The following KAZN variants were observed in gnomAD, a reference collection of about 807,000 sequenced individuals.
KAZN encodes kazrin.
Under a neutral mutation model 87.4 loss-of-function variants are expected in KAZN, and 40 were observed. The ratio of observed to expected loss-of-function variants is 0.46; its 90% CI spans 0.36 to 0.60. KAZN has a LOEUF of 0.60. Ranked by LOEUF, KAZN falls within the 20% of genes least tolerant of loss-of-function variation. KAZN has a pLI of 0.00. For missense variants in KAZN, 898 were observed against 1,073.9 expected (o/e 0.84, Z 2.29); for synonymous variants, 466 against 458.3 (o/e 1.02, Z -0.22).
chr1:14,006,122 ATTAC>A (rs1640028706), intron 1 of KAZN, among the ~76,000 whole-genome samples: 1 of 152,028 alleles, frequency 6.6e-6, no homozygotes, highest in South Asian at 2.1e-4. Flanking sequence ...TATTTTGTCT[ATTAC>A]TTCTTTTGTT....
At chr1:14,193,217 G>A (rs1285545405) in intron 2 of KAZN, among the ~76,000 whole-genome samples, 1 of 152,188 alleles carries the variant, frequency 6.6e-6, no homozygotes, top group African/African-American at 2.4e-5. Context: ...TGAACTGTGA[G>A]TCAATTAACC....
intron 13 of KAZN, among the ~76,000 whole-genome samples, chr1:15,108,034 T>A (rs568336993): frequency 1.3e-4 from 19 of 151,898 alleles, no homozygotes; most frequent in African/African-American, 3.9e-4. Context: ...TGCATAGGAG[T>A]CCCCTTCTGT....
chr1:14,230,304 A>G (rs1340380806), intron 2 of KAZN, among the ~76,000 whole-genome samples: 1 of 152,202 alleles, frequency 6.6e-6, no homozygotes, highest in Non-Finnish European at 1.5e-5. Flanking sequence ...AACTAATAAC[A>G]CTTGAAATAA....
chr1:15,005,211 A>G (rs1406051088), intron 2 of KAZN, among the ~76,000 whole-genome samples: 1 of 152,168 alleles, frequency 6.6e-6, no homozygotes, highest in Non-Finnish European at 1.5e-5. Context: ...TTTGGAAAAA[A>G]AAACATGTTT....
At chr1:14,054,568 A>G (rs1642471955) in intron 1 of KAZN, among the ~76,000 whole-genome samples, 1 of 152,232 alleles carries the variant, frequency 6.6e-6, no homozygotes, top group Admixed American at 6.5e-5. Context: ...CCACAAGGAT[A>G]AGGGTAGCTC....
intron 2 of KAZN, among the ~76,000 whole-genome samples, chr1:14,216,164 A>G (rs573617186): frequency 6.6e-5 from 10 of 152,298 alleles, no homozygotes; most frequent in African/African-American, 2.4e-4. Context: ...GGCCCACATT[A>G]TATCAGCCAT....
chr1:14,040,770 A>G (rs973370131), intron 1 of KAZN, among the ~76,000 whole-genome samples: 3 of 147,798 alleles, frequency 2.0e-5, no homozygotes, highest in African/African-American at 7.3e-5. Context: ...ATCTCAAAAA[A>G]ATTAAAATAA....
chr1:14,856,040 T>A lies in KAZN; in HGVS notation c.227-104644T>A, dbSNP rs531382799. Among the ~76,000 whole-genome samples, 3 of 152,236 alleles carry A rather than the reference T, an allele frequency of 2.0e-5. No homozygotes were observed. The highest frequency in any genetic ancestry group is 7.2e-5 in the African/African-American group (3 of 41,464). On this transcript the variant is annotated intron_variant, in intron 1 of 14. Coordinates refer to ENST00000376030, the MANE Select transcript of KAZN (RefSeq NM_201628.3). The surrounding 1 kb of genome is among the most constrained non-coding windows in gnomAD (Gnocchi z 5.2). Reference sequence around the variant, plus strand: ...ACAAGGAGCACATTAGTAATTGGAATGTGACATTGGGATATGGCAGGTGAG... The same window carrying A: ...ACAAGGAGCACATTAGTAATTGGAAAGTGACATTGGGATATGGCAGGTGAG...
chr1:14,687,165 C>T (rs1641002396), intron 1 of KAZN, among the ~76,000 whole-genome samples: 1 of 152,188 alleles, frequency 6.6e-6, no homozygotes. Flanking sequence ...GGCTGGTTGG[C>T]TGGTATGATA....
At position 13,934,743 on chromosome 1, in the gene KAZN, G is replaced by A. The variant is rs1275684717; in HGVS notation, c.91+40987G>A. ...GTTCCTCTGACCACTGGGCTTCCGG[G>A]CATTGTATTTACTCCTTGGGCAAGA... On this transcript the variant is annotated intron_variant, in intron 1 of 16. Coordinates refer to the KAZN transcript ENST00000636203. 3.3e-5 allele frequency among the ~76,000 whole-genome samples: 5 copies of A among 152,066 alleles called. No homozygotes were observed. In the East Asian group the frequency reaches 9.7e-4, roughly 29 times the overall value.
intron 1 of KAZN, among the ~76,000 whole-genome samples, chr1:14,667,608 C>A (rs1258173307): frequency 6.6e-6 from 1 of 152,078 alleles, no homozygotes; most frequent in African/African-American, 2.4e-5. Context: ...CTGACTTTAA[C>A]CCCAGGCAGA....
chr1:14,373,384 C>G (rs1660660256), intron 2 of KAZN, among the ~76,000 whole-genome samples: 1 of 151,950 alleles, frequency 6.6e-6, no homozygotes, highest in South Asian at 2.1e-4. Context: ...GGTGTAAGTC[C>G]CGGTCCAAGA....
chr1:14,036,036 G>A (rs890825386), intron 1 of KAZN, among the ~76,000 whole-genome samples: 1 of 152,208 alleles, frequency 6.6e-6, no homozygotes, highest in African/African-American at 2.4e-5. Flanking sequence ...GGTATCATTT[G>A]AGCTGGGTTT....
chr1:14,918,675 CAAAAAAAAAAAAAAAAA>C (rs1158537283), intron 1 of KAZN, among the ~76,000 whole-genome samples: 71 of 36,966 alleles, frequency 1.9e-3, no homozygotes, highest in East Asian at 4.9e-3. Flanking sequence ...GACTCCATCT[CAAAAAAAAAAAAAAAAA>C]AAAAAAAAAA....
intron 1 of KAZN, among the ~76,000 whole-genome samples, chr1:13,903,080 A>G (rs1639306238): frequency 6.6e-6 from 1 of 152,220 alleles, no homozygotes; most frequent in Non-Finnish European, 1.5e-5. Flanking sequence ...CTTAACACTG[A>G]CAATGTGATG....
chr1:14,509,037 G>A (rs1184113294), intron 2 of KAZN, among the ~76,000 whole-genome samples: 1 of 152,222 alleles, frequency 6.6e-6, no homozygotes, highest in African/African-American at 2.4e-5. Flanking sequence ...CAGGGAATAG[G>A]TTAACAGGGC....
At chr1:14,342,618 C>T (rs1327576280) in intron 2 of KAZN, among the ~76,000 whole-genome samples, 1 of 152,016 alleles carries the variant, frequency 6.6e-6, no homozygotes, top group East Asian at 1.9e-4. Flanking sequence ...GCTTGGCACA[C>T]AGAAAGGGCC....
chr1:13,903,889 G>T (rs1639339342), intron 1 of KAZN, among the ~76,000 whole-genome samples: 1 of 152,170 alleles, frequency 6.6e-6, no homozygotes, highest in Admixed American at 6.5e-5. Flanking sequence ...ATCTGAAAAG[G>T]AATGTATGTG....
intron 1 of KAZN, among the ~76,000 whole-genome samples, chr1:14,873,875 G>A (rs765866280): frequency 3.3e-5 from 5 of 152,208 alleles, no homozygotes; most frequent in Non-Finnish European, 5.9e-5. Context: ...CAGAACTGAC[G>A]TGGTGGATGT....
Sources: gnomAD v4.1 joint callset for allele counts (sites outside exome capture counted in the v4.1 genomes callset) on GRCh38, gnomAD v4.1.1 for gene constraint, Gnocchi (gnomAD v3.1) non-coding constraint, MANE v1.5 for transcripts, NCBI Gene and HGNC (gene_info 2026-07-23, HGNC 2026-07-21) for gene names.